LOC128092252: variants seen among roughly 807,000 people sequenced by gnomAD.
At chr15:50,678,422 G>A in the LOC128092252 span, among the ~76,000 whole-genome samples, 1 of 150,214 alleles carries the variant, frequency 6.7e-6, no homozygotes. Flanking sequence ...GAAATAAGCT[G>A]GCACTCTCTG....
the LOC128092252 span, among the ~76,000 whole-genome samples, chr15:50,674,211 A>T: frequency 7.9e-3 from 1,202 of 152,228 alleles, 20 homozygotes; most frequent in African/African-American, 0.028. Context: ...CTGGTCTCAA[A>T]CCCCTGACCT....
chr15:50,657,921 C>T, the LOC128092252 span: 2 of 749,052 alleles, frequency 2.7e-6, no homozygotes, highest in Admixed American at 2.9e-5. Flanking sequence ...AATTATATAC[C>T]TAGTTTAATT....
At chr15:50,656,515 T>TG in the LOC128092252 span, among the ~76,000 whole-genome samples, 1 of 146,574 alleles carries the variant, frequency 6.8e-6, no homozygotes, top group Admixed American at 7.1e-5. Flanking sequence ...TTTTTTTTTT[T>TG]GGTAGACACA....
At chr15:50,675,201 G>C in the LOC128092252 span, among the ~76,000 whole-genome samples, 4 of 152,060 alleles carry the variant, frequency 2.6e-5, no homozygotes, top group South Asian at 4.1e-4. Context: ...AAATTAGCTG[G>C]GCATGGTGGC....
chr15:50,682,190 A>AAAAAAAAAAAAAAAAAC, the LOC128092252 span, among the ~76,000 whole-genome samples: 1 of 148,454 alleles, frequency 6.7e-6, no homozygotes, highest in Non-Finnish European at 1.5e-5. Flanking sequence ...AAAAAAAAAA[A>AAAAAAAAAAAAAAAAAC]AGGACTGTGA....
chr15:50,672,825 G>A, the LOC128092252 span, among the ~76,000 whole-genome samples: 13 of 135,364 alleles, frequency 9.6e-5, no homozygotes, highest in South Asian at 2.4e-4. Context: ...CAGGAGAATC[G>A]CTTGAACCAG....
chr15:50,668,516 T>C, the LOC128092252 span, among the ~76,000 whole-genome samples: 1 of 152,182 alleles, frequency 6.6e-6, no homozygotes. Context: ...TTTTGTTTTT[T>C]GTTTTTTGAG....
chr15:50,678,282 C>G, the LOC128092252 span, among the ~76,000 whole-genome samples: 1 of 144,050 alleles, frequency 6.9e-6, no homozygotes, highest in Non-Finnish European at 1.5e-5. Flanking sequence ...AAAACAAAAA[C>G]CAACACCTAG....
At chr15:50,657,954 C>T in the LOC128092252 span, 843 of 565,616 alleles carry the variant, frequency 1.5e-3, 6 homozygotes, top group African/African-American at 0.014. Flanking sequence ...TTATAGTTCA[C>T]GTATACCTTG....
the LOC128092252 span, among the ~76,000 whole-genome samples, chr15:50,662,546 G>T: frequency 6.6e-6 from 1 of 152,038 alleles, no homozygotes; most frequent in African/African-American, 2.4e-5. Flanking sequence ...CAAAAAGAAT[G>T]ACTATTATTA....
At chr15:50,665,874 T>A in the LOC128092252 span, among the ~76,000 whole-genome samples, 1 of 152,008 alleles carries the variant, frequency 6.6e-6, no homozygotes, top group African/African-American at 2.4e-5. Context: ...GCACCTGTAA[T>A]CCCAGCTACT....
chr15:50,677,738 CAAAAAA>C, the LOC128092252 span, among the ~76,000 whole-genome samples: 9 of 38,162 alleles, frequency 2.4e-4, no homozygotes, highest in Admixed American at 2.7e-3. Context: ...GACCCCGTAT[CAAAAAA>C]AAAAAAAAAA....
the LOC128092252 span, among the ~76,000 whole-genome samples, chr15:50,662,360 G>A: frequency 6.6e-6 from 1 of 151,206 alleles, no homozygotes; most frequent in South Asian, 2.1e-4. Flanking sequence ...AATAATTTTG[G>A]CAAAAATGTT....
At chr15:50,655,412 A>G in the LOC128092252 span, among the ~76,000 whole-genome samples, 278 of 150,564 alleles carry the variant, frequency 1.8e-3, 1 homozygote, top group African/African-American at 6.2e-3. Flanking sequence ...CAGCCTGGAC[A>G]ACAGACCAAG....
chr15:50,664,183 A>G, the LOC128092252 span, among the ~76,000 whole-genome samples: 4 of 151,882 alleles, frequency 2.6e-5, no homozygotes, highest in East Asian at 7.8e-4. Context: ...CTGTAATCCC[A>G]GCTACTCCGG....
At chr15:50,657,763 T>C in the LOC128092252 span, 148 of 1,609,928 alleles carry the variant, frequency 9.2e-5, no homozygotes, top group Non-Finnish European at 1.2e-4. Context: ...TTGTGCGGTA[T>C]AGTTATGTTA....
the LOC128092252 span, among the ~76,000 whole-genome samples, chr15:50,652,115 T>C: frequency 6.6e-6 from 1 of 151,274 alleles, no homozygotes; most frequent in African/African-American, 2.4e-5. Flanking sequence ...GGTGGACCAC[T>C]TGAGGTCAGG....
chr15:50,658,179 G>C, the LOC128092252 span, among the ~76,000 whole-genome samples: 4 of 151,638 alleles, frequency 2.6e-5, no homozygotes, highest in Admixed American at 6.6e-5. Context: ...TAATTTTTTT[G>C]CATTTTTACT....
At chr15:50,661,521 T>C in the LOC128092252 span, among the ~76,000 whole-genome samples, 3 of 152,188 alleles carry the variant, frequency 2.0e-5, no homozygotes, top group Non-Finnish European at 2.9e-5. Context: ...ATGTGTTTGT[T>C]GTGAGAGATC....
Sources: gnomAD v4.1 joint callset for allele counts (sites outside exome capture counted in the v4.1 genomes callset) on GRCh38, gnomAD v4.1.1 for gene constraint, MANE v1.5 for transcripts.